The following ZNF677 variants were observed in gnomAD, a reference collection of about 807,000 sequenced individuals.
The protein encoded by ZNF677 is zinc finger protein 677.
A neutral mutation model predicts 8.1 loss-of-function variants in ZNF677; 5 were observed. That is an observed-to-expected ratio of 0.62 (90% CI 0.32 to 1.29). The LOEUF (loss-of-function observed/expected upper bound fraction) is 1.29. Ranked by LOEUF, ZNF677 falls within the 50% of genes most tolerant of loss-of-function variation. The pLI is 0.05. For synonymous variants in ZNF677, 221 were observed against 225.6 expected, an observed-to-expected ratio of 0.98 and a Z score of 0.18; for missense variants, 685 against 685.9, an observed-to-expected ratio of 1.00 and a Z score of 0.01.
intron 3 of ZNF677, among the ~76,000 whole-genome samples, chr19:53,247,402 C>A (rs1415929541): frequency 1.3e-5 from 2 of 148,506 alleles, no homozygotes; most frequent in Non-Finnish European, 3.0e-5. Context: ...AAAAAAAAAT[C>A]ACAAAAAAAT....
intron 4 of ZNF677, chr19:53,242,774 G>A (rs2091074045): frequency 5.3e-6 from 1 of 189,782 alleles, no homozygotes; most frequent in Non-Finnish European, 1.1e-5. Flanking sequence ...GATCTGTATA[G>A]ACTGAAAACC....
chr19:53,241,912 A>G, intron 4 of ZNF677: 1 of 397,654 alleles, frequency 2.5e-6, no homozygotes. Flanking sequence ...TTCAGACTCT[A>G]GGAATGTGTA....
Position 53,236,036 on chromosome 19 carries a change from A to C in ZNF677, c.*936T>G, listed in dbSNP as rs1471363448. 6.6e-6 allele frequency: 1 copy of C among 152,170 alleles called. No individual in the cohort carries two copies. The highest frequency in any genetic ancestry group is 2.1e-4 in the South Asian group (1 of 4,824). The allele number at this position is 152,170 out of a possible 1,614,324, so 9.4% of individuals were successfully genotyped here. ...AAACTCTGTCTCTACTAAAAATACA[A>C]AAACAAAAAAACAAAAAACTAGCCA... On this transcript the variant is annotated 3_prime_UTR_variant, in exon 5 of 5. Coordinates refer to ENST00000598513, the MANE Select transcript of ZNF677 (RefSeq NM_182609.4).
chr19:53,241,299 AT>A (rs2091046037), intron 4 of ZNF677: 1 of 152,246 alleles, frequency 6.6e-6, no homozygotes, highest in African/African-American at 2.4e-5. Context: ...GTAACTGCTG[AT>A]TAAATACATA....
At chr19:53,253,690 A>T (rs1277531411) in intron 1 of ZNF677, among the ~76,000 whole-genome samples, 4 of 152,004 alleles carry the variant, frequency 2.6e-5, no homozygotes, top group African/African-American at 7.2e-5. Flanking sequence ...CCGTCTCAAA[A>T]AAATAAATAA....
In ZNF677 at chr19:53,238,264, C is replaced by T; in HGVS notation, c.463G>A (p.Ala155Thr). 2 of 1,613,974 alleles carry T rather than the reference C, an allele frequency of 1.2e-6. No homozygotes were observed. The highest frequency in any genetic ancestry group is 1.1e-5 in the South Asian group (1 of 91,062). The stretch of plus-strand genomic sequence containing the variant: ...TTGTCATGGATGAAATACTGGTGTG[C>T]ACTATCTCTTATAGAAACACTCTGC... ...LKQSVSIRDS[A>T]HQYFIHDKPF... Residue 155 changes from alanine (A) to threonine (T), a missense_variant, in exon 5 of 5, where the codon GCA (alanine) becomes ACA (threonine). Transcript: ENST00000598513.
At position 53,237,886 on chromosome 19, in the gene ZNF677, G is replaced by T; in HGVS notation, c.841C>A (p.His281Asn). The T allele has an allele frequency of 6.2e-7, 1 of 1,613,398 alleles. No homozygotes were observed. Residue 281 changes from histidine to asparagine, a missense_variant, in exon 5 of 5, where the codon CAT (histidine) becomes AAT (asparagine). By Grantham distance (68) the His-to-Asn change is moderately conservative. Coordinates refer to ENST00000598513, the MANE Select transcript of ZNF677 (RefSeq NM_182609.4). ...CTCTGTCCAGAGTGAATTCTCTGAT[G>T]ATTAGTGAGGTTCGAACTTTTGCTA... ...AFSKSSNLTN[H>N]QRIHSGQRPY...
intron 2 of ZNF677, among the ~76,000 whole-genome samples, chr19:53,252,114 A>T (rs934836158): frequency 3.3e-5 from 5 of 152,182 alleles, no homozygotes; most frequent in Non-Finnish European, 5.9e-5. Context: ...AGATAGGGAG[A>T]AAGAATAAAA....
rs542919243 is a variant in ZNF677, at chr19:53,241,742, T to G, written c.169+2002A>C. On this transcript the variant is annotated intron_variant, in intron 4 of 4. Coordinates refer to ENST00000598513, the MANE Select transcript of ZNF677 (RefSeq NM_182609.4). The stretch of plus-strand genomic sequence containing the variant: ...CATGCAGGCTACTCTACTCAGTGGC[T>G]TCAAGAGGCACCTCTATGTAGCAGA... 35 of 397,430 alleles carry G rather than the reference T, an allele frequency of 8.8e-5. No homozygotes were observed. The East Asian group carries it at 1.2e-3, about 14-fold the overall frequency. 24.6% of individuals were successfully genotyped at this position (397,430 alleles called of 1,614,324 possible).
rs2090974112 is a variant in ZNF677 at position 53,236,556 on chromosome 19, A to G, written c.*416T>C. The G allele has an allele frequency of 6.5e-6, 1 of 154,406 alleles. No homozygotes were observed. The highest frequency in any genetic ancestry group is 2.0e-4 in the South Asian group (1 of 4,964). The allele number at this position is 154,406 out of a possible 1,614,324, so 9.6% of individuals were successfully genotyped here. On this transcript the variant is annotated 3_prime_UTR_variant, in exon 5 of 5. Transcript: ENST00000598513. ...TCCCTCTAGCCTGAATTTTTGTATG[A>G]CAAAATGCTTGCATATAAGGATGAA...
In ZNF677 at chr19:53,238,458, C is replaced by T. The variant is rs761505018; in HGVS notation, c.269G>A (p.Gly90Asp). ...LVILERKESH[G>D]INNFDLKEVW... ...TTCCTTGAGGTCAAAATTGTTGATG[C>T]CATGGCTTTCCTTTCTTTCTAATAT... The change falls in exon 5 of 5, where the codon GGC (glycine) becomes GAC (aspartate). Residue 90 changes from glycine (G) to aspartate (D), a missense_variant. Coordinates refer to ENST00000598513, the MANE Select transcript of ZNF677 (RefSeq NM_182609.4). 24 of 1,613,272 alleles carry T rather than the reference C, an allele frequency of 1.5e-5. No homozygotes were observed. Among genetic ancestry groups the T allele is most frequent in the Middle Eastern group, 1.6e-4 (1 of 6,080 alleles).
chr19:53,241,683 C>T, intron 4 of ZNF677: 1 of 390,098 alleles, frequency 2.6e-6, no homozygotes, highest in Non-Finnish European at 4.5e-6. Flanking sequence ...ACTTATCCCT[C>T]CGGCTGTCCT....
intron 3 of ZNF677, among the ~76,000 whole-genome samples, chr19:53,246,937 T>C (rs1469438099): frequency 1.3e-5 from 2 of 152,236 alleles, no homozygotes; most frequent in Admixed American, 1.3e-4. Context: ...GATATGTTTA[T>C]GACAGATTGT....
At chr19:53,241,512 G>T (rs960293339) in intron 4 of ZNF677, 3 of 261,622 alleles carry the variant, frequency 1.1e-5, no homozygotes, top group East Asian at 6.6e-5. Flanking sequence ...CAACATGTTC[G>T]CAGATATGAG....
At chr19:53,247,840 A>G (rs2091170803) in intron 3 of ZNF677, among the ~76,000 whole-genome samples, 1 of 152,116 alleles carries the variant, frequency 6.6e-6, no homozygotes, top group Non-Finnish European at 1.5e-5. Context: ...CTTTTATTAT[A>G]CTTTCCAGGC....
In ZNF677 at chr19:53,251,524, T is replaced by C. The variant is rs915225885; in HGVS notation, c.15+12A>G. 5 of 1,612,426 alleles carry C rather than the reference T, an allele frequency of 3.1e-6. No individual in the cohort carries two copies. Among genetic ancestry groups the C allele is most frequent in the Admixed American group, 3.3e-5 (2 of 59,996 alleles). ...AGAGGACAAAACAGTGAACCAAGAA[T>C]ATAACTTTTACCTGAGAAAGAGCCA... is the stretch of plus-strand genomic sequence containing the variant. On this transcript the variant is annotated intron_variant, in intron 3 of 4. Coordinates refer to ENST00000598513, the MANE Select transcript of ZNF677 (RefSeq NM_182609.4).
rs181785983 is a variant in ZNF677 at position 53,236,380 on chromosome 19, A to G, written c.*592T>C. On this transcript the variant is annotated 3_prime_UTR_variant, in exon 5 of 5. Coordinates refer to ENST00000598513, the MANE Select transcript of ZNF677 (RefSeq NM_182609.4). ...GATTTCATACTTTTAAAAATATGAA[A>G]TAACTGAATAAAAAATTTTTAACAC... The G allele has an allele frequency of 3.8e-4, 58 of 152,346 alleles. No individual in the cohort carries two copies. Among genetic ancestry groups the G allele is most frequent in the African/African-American group, 1.3e-3 (56 of 41,582 alleles). The allele number at this position is 152,346 out of a possible 1,614,324, so 9.4% of individuals were successfully genotyped here.
intron 2 of ZNF677, among the ~76,000 whole-genome samples, chr19:53,251,992 C>T (rs1371145062): frequency 6.6e-6 from 1 of 152,166 alleles, no homozygotes; most frequent in Non-Finnish European, 1.5e-5. Context: ...CGAATCCCTG[C>T]TGTAGCCATA....
At chr19:53,243,113 T>G (rs1390557499) in intron 4 of ZNF677, 2 of 152,860 alleles carry the variant, frequency 1.3e-5, no homozygotes, top group African/African-American at 4.8e-5. Context: ...AGTAGCTTAC[T>G]CTGTGGCCAT....
Sources: gnomAD v4.1 joint callset for allele counts (sites outside exome capture counted in the v4.1 genomes callset) on GRCh38, gnomAD v4.1.1 for gene constraint, MANE v1.5 for transcripts, NCBI Gene and HGNC (gene_info 2026-07-23, HGNC 2026-07-21) for gene names.